Variants in PARD3 observed in about 807,000 individuals in gnomAD.
PARD3 encodes the protein par-3 family cell polarity regulator, also known as partitioning defective 3 homolog.
In PARD3, 75 loss-of-function variants were observed where a neutral mutation model predicts 155.4. The ratio of observed to expected loss-of-function variants is 0.48; its 90% CI spans 0.40 to 0.58. The LOEUF (loss-of-function observed/expected upper bound fraction) is 0.58. Among genes scored for constraint, PARD3 ranks in the 20% least tolerant of loss-of-function variants. The pLI is 0.00. For synonymous variants in PARD3, 576 were observed against 610.5 expected (o/e 0.94, Z 0.83); for missense variants, 1,642 against 1,721.7 (o/e 0.95, Z 0.82).
chr10:34,751,974 C>T (rs1256238332), intron 1 of PARD3, among the ~76,000 whole-genome samples: 1 of 151,988 alleles, frequency 6.6e-6, no homozygotes, highest in Non-Finnish European at 1.5e-5. Flanking sequence ...CTTCCTCGGA[C>T]TTTGCGAGTA....
intron 20 of PARD3, among the ~76,000 whole-genome samples, chr10:34,290,888 C>A (rs1005576857): frequency 6.6e-6 from 1 of 152,200 alleles, no homozygotes; most frequent in Non-Finnish European, 1.5e-5. Context: ...TGTCCTGTGT[C>A]ATTCCTGTGT....
chr10:34,126,538 T>C (rs1947298951), intron 23 of PARD3, among the ~76,000 whole-genome samples: 1 of 152,190 alleles, frequency 6.6e-6, no homozygotes, highest in African/African-American at 2.4e-5. Flanking sequence ...TTACAAACCA[T>C]TCCAAAGAAT....
chr10:34,664,783 G>C (rs2133182847), intron 2 of PARD3, among the ~76,000 whole-genome samples: 1 of 152,256 alleles, frequency 6.6e-6, no homozygotes, highest in Admixed American at 6.5e-5. Flanking sequence ...ACCATGCCTG[G>C]CCCAGAAACC....
intron 5 of PARD3, among the ~76,000 whole-genome samples, chr10:34,404,212 G>A (rs137949757): frequency 1.3e-5 from 2 of 152,286 alleles, no homozygotes; most frequent in African/African-American, 2.4e-5. Flanking sequence ...ATTTGGATGT[G>A]TAAATTATCA....
Position 34,418,670 on chromosome 10 carries a change from G to A in PARD3, c.715-16753C>T, listed in dbSNP as rs1475691202. On this transcript the variant is annotated intron_variant, in intron 5 of 24. Coordinates refer to ENST00000374788, the MANE Select transcript of PARD3 (RefSeq NM_001184785.2). ...TTTAACTCACTAGTCTTTATTGAGTGACTAACTTCAAATCACTGTAGTTGA... is the reference window on the plus strand; with the variant it reads ...TTTAACTCACTAGTCTTTATTGAGTAACTAACTTCAAATCACTGTAGTTGA... 2.0e-5 allele frequency among the ~76,000 whole-genome samples: 3 copies of A among 152,128 alleles called. No individual in the cohort carries two copies. The East Asian group carries it at 5.8e-4, about 29-fold the overall frequency.
At chr10:34,270,021 G>T in intron 21 of PARD3, 122 bp from the exon 22 acceptor site, 1 of 982,966 alleles carries the variant, frequency 1.0e-6, no homozygotes, top group Non-Finnish European at 1.5e-6. Context: ...TAGAAGATCA[G>T]TGGTATAAAT....
chr10:34,570,310 G>C (rs532195539), intron 2 of PARD3, among the ~76,000 whole-genome samples: 16 of 152,304 alleles, frequency 1.1e-4, no homozygotes, highest in African/African-American at 3.6e-4. Flanking sequence ...AAGATGTATA[G>C]ACTGTTTTTG....
Position 34,379,674 on chromosome 10 carries a change from C to T in PARD3, c.1400-1568G>A, listed in dbSNP as rs1267299931. ...GCTAAAAGTTCAGGCAATGACCTTT[C>T]AAGGAAAGATAAGTAGATATCAATT... On this transcript the variant is annotated intron_variant, in intron 9 of 24. Coordinates refer to ENST00000374788, the MANE Select transcript of PARD3 (RefSeq NM_001184785.2). Among the ~76,000 whole-genome samples the T allele has an allele frequency of 2.0e-5, 3 of 152,120 alleles. No individual in the cohort carries two copies. In the East Asian group the frequency reaches 5.8e-4, roughly 29 times the overall value.
At chr10:34,445,662 T>C (rs1301668117) in intron 5 of PARD3, among the ~76,000 whole-genome samples, 1 of 152,110 alleles carries the variant, frequency 6.6e-6, no homozygotes, top group African/African-American at 2.4e-5. Flanking sequence ...AATATACTAC[T>C]TCCTTAAAAA....
At chr10:34,166,533 C>T (rs75614625) in intron 22 of PARD3, among the ~76,000 whole-genome samples, 1 of 151,728 alleles carries the variant, frequency 6.6e-6, no homozygotes, top group Non-Finnish European at 1.5e-5. Flanking sequence ...CGGGGGCAGG[C>T]AGGCGGAATT....
intron 4 of PARD3, among the ~76,000 whole-genome samples, chr10:34,452,620 CT>C (rs2077119672): frequency 6.6e-6 from 1 of 152,096 alleles, no homozygotes; most frequent in South Asian, 2.1e-4. Context: ...GCCATTTTTC[CT>C]CTTCCCGTAA....
At chr10:34,523,794 T>C (rs1014137880) in intron 2 of PARD3, among the ~76,000 whole-genome samples, 1 of 152,224 alleles carries the variant, frequency 6.6e-6, no homozygotes, top group African/African-American at 2.4e-5. Context: ...TTTTTTAAGT[T>C]TGAAGTCAGG....
intron 22 of PARD3, among the ~76,000 whole-genome samples, chr10:34,268,047 C>A (rs1264863624): frequency 6.6e-6 from 1 of 152,136 alleles, no homozygotes; most frequent in Non-Finnish European, 1.5e-5. Context: ...TCATTTATGA[C>A]AATAACATGC....
intron 5 of PARD3, among the ~76,000 whole-genome samples, chr10:34,413,314 G>A (rs892789390): frequency 9.2e-5 from 14 of 152,150 alleles, no homozygotes; most frequent in African/African-American, 2.7e-4. Context: ...TTAATTGTGT[G>A]TAGGAACAAT....
intron 4 of PARD3, among the ~76,000 whole-genome samples, chr10:34,461,603 C>A (rs1450155564): frequency 1.3e-5 from 2 of 151,942 alleles, no homozygotes; most frequent in African/African-American, 2.4e-5. Flanking sequence ...GAGACTCCAT[C>A]TCAAGAAAAA....
intron 22 of PARD3, among the ~76,000 whole-genome samples, chr10:34,219,552 G>C (rs898790713): frequency 7.2e-5 from 11 of 152,132 alleles, no homozygotes; most frequent in African/African-American, 2.7e-4. Flanking sequence ...GTTTTAATAG[G>C]GCTGGTAATG....
chr10:34,194,209 T>C (rs1176545372), intron 22 of PARD3, among the ~76,000 whole-genome samples: 1 of 151,990 alleles, frequency 6.6e-6, no homozygotes, highest in Non-Finnish European at 1.5e-5. Flanking sequence ...CTAAGCAAAA[T>C]TTGAGTTGTG....
chr10:34,556,833 G>A (rs1002976721), intron 2 of PARD3, among the ~76,000 whole-genome samples: 2 of 151,842 alleles, frequency 1.3e-5, no homozygotes, highest in African/African-American at 4.8e-5. Context: ...CTCCTGTATT[G>A]GGCTATGTTC....
intron 3 of PARD3, among the ~76,000 whole-genome samples, chr10:34,481,195 G>A (rs533212343): frequency 8.8e-6 from 1 of 114,078 alleles, no homozygotes; most frequent in Non-Finnish European, 1.6e-5. Context: ...TCCAACAGTT[G>A]TTTTATTTAT....
Sources: allele counts gnomAD v4.1 joint callset (sites outside exome capture counted in the v4.1 genomes callset), GRCh38; gene constraint gnomAD v4.1.1; transcripts MANE v1.5; gene names NCBI Gene and HGNC (gene_info 2026-07-23, HGNC 2026-07-21).